The following LRMDA variants were observed in gnomAD, a reference collection of about 807,000 sequenced individuals.
The protein encoded by LRMDA is leucine rich melanocyte differentiation associated, also known as leucine-rich melanocyte differentiation-associated protein.
Under a neutral mutation model 29.8 loss-of-function variants are expected in LRMDA, and 18 were observed. The ratio of observed to expected loss-of-function variants is 0.60; its 90% CI spans 0.42 to 0.90. The LOEUF is 0.90. LRMDA is among the 40% of genes least tolerant of loss of function. The pLI, the probability that LRMDA is intolerant of heterozygous loss-of-function variation, is 0.00. For missense variants in LRMDA, 273 were observed against 273.9 expected, an observed-to-expected ratio of 1.00 and a Z score of 0.02; for synonymous variants, 125 against 109.4, an observed-to-expected ratio of 1.14 and a Z score of -0.89.
intron 5 of LRMDA, among the ~76,000 whole-genome samples, chr10:76,272,788 G>A (rs563295920): frequency 2.0e-5 from 3 of 152,246 alleles, no homozygotes; most frequent in Non-Finnish European, 4.4e-5. Flanking sequence ...TTACAATCAC[G>A]GTGGAAGGCA....
intron 2 of LRMDA, among the ~76,000 whole-genome samples, chr10:75,488,231 A>T (rs1844939253): frequency 6.6e-6 from 1 of 152,166 alleles, no homozygotes; most frequent in Non-Finnish European, 1.5e-5. Context: ...GGCTTTTAGG[A>T]CTTCATAATC....
intron 2 of LRMDA, among the ~76,000 whole-genome samples, chr10:75,652,817 G>A (rs1001968809): frequency 6.6e-6 from 1 of 152,158 alleles, no homozygotes; most frequent in African/African-American, 2.4e-5. Flanking sequence ...ATTAATGCCT[G>A]TTTCTAGTTT....
chr10:76,449,718 A>T (rs577553699), intron 6 of LRMDA, among the ~76,000 whole-genome samples: 1 of 152,070 alleles, frequency 6.6e-6, no homozygotes, highest in East Asian at 1.9e-4. Flanking sequence ...TAATTGTACT[A>T]GTGATAATCC....
At chr10:75,775,598 C>G (rs952222845) in intron 2 of LRMDA, among the ~76,000 whole-genome samples, 3 of 152,106 alleles carry the variant, frequency 2.0e-5, no homozygotes, top group Non-Finnish European at 2.9e-5. Context: ...AGTGGTCCCC[C>G]GAACATGTGT....
intron 2 of LRMDA, among the ~76,000 whole-genome samples, chr10:75,463,071 G>C (rs532400770): frequency 6.6e-6 from 1 of 152,310 alleles, no homozygotes; most frequent in African/African-American, 2.4e-5. Flanking sequence ...GCTGGTGAGA[G>C]AGGAGGCAGC....
intron 2 of LRMDA, among the ~76,000 whole-genome samples, chr10:75,716,496 A>T (rs560229885): frequency 2.4e-4 from 37 of 152,316 alleles, no homozygotes; most frequent in African/African-American, 8.7e-4. Flanking sequence ...TTGAATTAAG[A>T]TCTGCTCAAA....
chr10:75,682,661 G>A (rs1842038334), intron 2 of LRMDA, among the ~76,000 whole-genome samples: 1 of 152,206 alleles, frequency 6.6e-6, no homozygotes, highest in Non-Finnish European at 1.5e-5. Flanking sequence ...TGCCTAGAAA[G>A]TGTTAGAGGT....
chr10:76,011,073 A>T lies in LRMDA; in HGVS notation c.132-24935A>T, dbSNP rs1178960659. Among the ~76,000 whole-genome samples, 13 of 152,346 alleles carry T rather than the reference A, an allele frequency of 8.5e-5. No homozygotes were observed. In the East Asian group the frequency reaches 2.5e-3, roughly 29 times the overall value. ...TATGATCTCCCTTGGAGTTTCCAGC[A>T]TCTAGATTTTCTAGATCATTAAATC... On this transcript the variant is annotated intron_variant, in intron 2 of 6. Transcript: ENST00000611255.
chr10:75,882,435 C>T (rs896926416), intron 2 of LRMDA, among the ~76,000 whole-genome samples: 1 of 152,072 alleles, frequency 6.6e-6, no homozygotes, highest in Non-Finnish European at 1.5e-5. Flanking sequence ...AGGTGTTTGG[C>T]ATAGAAATGA....
At chr10:75,880,436 A>C (rs1237370140) in intron 2 of LRMDA, among the ~76,000 whole-genome samples, 1 of 152,234 alleles carries the variant, frequency 6.6e-6, no homozygotes, top group Non-Finnish European at 1.5e-5. Context: ...GTAAGCCCTA[A>C]AACATTTTCA....
chr10:75,687,005 A>C lies in LRMDA; in HGVS notation c.131+248511A>C, dbSNP rs185329678. ...CTTACCCATATAAGACAGAGAACTGAATAAATGCTGTGTGTGCTCTGACTG... is the reference window on the plus strand; with the variant it reads ...CTTACCCATATAAGACAGAGAACTGCATAAATGCTGTGTGTGCTCTGACTG... On this transcript the variant is annotated intron_variant, in intron 2 of 6. Coordinates refer to ENST00000611255, the MANE Select transcript of LRMDA (RefSeq NM_001305581.2). 2.0e-5 allele frequency among the ~76,000 whole-genome samples: 3 copies of C among 152,326 alleles called. No homozygotes were observed. The East Asian group carries it at 5.8e-4, about 29-fold the overall frequency.
chr10:76,291,932 G>GCACA (rs34113053), intron 5 of LRMDA, among the ~76,000 whole-genome samples: 1,739 of 148,568 alleles, frequency 0.012, 33 homozygotes, highest in African/African-American at 0.035. Flanking sequence ...ACACACACGT[G>GCACA]CACACACACA....
At chr10:75,830,941 G>C (rs1020231809) in intron 2 of LRMDA, among the ~76,000 whole-genome samples, 4 of 152,166 alleles carry the variant, frequency 2.6e-5, no homozygotes, top group African/African-American at 9.7e-5. Flanking sequence ...AGACAAAACA[G>C]GAGTACAGGA....
intron 6 of LRMDA, among the ~76,000 whole-genome samples, chr10:76,424,285 G>C (rs1177574614): frequency 2.0e-5 from 3 of 151,960 alleles, no homozygotes; most frequent in Non-Finnish European, 4.4e-5. Flanking sequence ...ATTGACCTGC[G>C]TAACAGTTTA....
At chr10:76,206,398 C>T (rs986400682) in intron 5 of LRMDA, among the ~76,000 whole-genome samples, 1 of 152,140 alleles carries the variant, frequency 6.6e-6, no homozygotes, top group Non-Finnish European at 1.5e-5. Flanking sequence ...GGTACTGTAC[C>T]TTCTGTTTAC....
intron 2 of LRMDA, among the ~76,000 whole-genome samples, chr10:75,649,836 C>T (rs1258660229): frequency 1.3e-5 from 2 of 152,172 alleles, no homozygotes; most frequent in Non-Finnish European, 2.9e-5. Flanking sequence ...TGAGTAGCAT[C>T]TCATGTGGCT....
At chr10:75,713,551 A>G (rs1426260686) in intron 2 of LRMDA, among the ~76,000 whole-genome samples, 3 of 152,272 alleles carry the variant, frequency 2.0e-5, no homozygotes, top group African/African-American at 7.2e-5. Context: ...TAGAAATCTA[A>G]AAATACAAAA....
At chr10:75,479,296 AG>A (rs1021852200) in intron 2 of LRMDA, among the ~76,000 whole-genome samples, 1 of 152,088 alleles carries the variant, frequency 6.6e-6, no homozygotes, top group Non-Finnish European at 1.5e-5. Context: ...TCACGAGGTC[AG>A]GAGATTGAGA....
intron 5 of LRMDA, among the ~76,000 whole-genome samples, chr10:76,086,009 C>T (rs949236324): frequency 1.3e-5 from 2 of 152,208 alleles, no homozygotes; most frequent in Non-Finnish European, 2.9e-5. Context: ...TCTGCACCAC[C>T]CCCCGCCCAA....
Sources: allele counts gnomAD v4.1 joint callset (sites outside exome capture counted in the v4.1 genomes callset), GRCh38; gene constraint gnomAD v4.1.1; transcripts MANE v1.5; gene names NCBI Gene and HGNC (gene_info 2026-07-23, HGNC 2026-07-21).